Variants in ABTB2 observed in about 807,000 individuals in gnomAD.
The protein encoded by ABTB2 is ankyrin repeat and BTB domain containing 2.
A neutral mutation model predicts 104.1 loss-of-function variants in ABTB2; 56 were observed. The observed-to-expected ratio is 0.54, with a 90% CI of 0.43 to 0.67. ABTB2 has a LOEUF of 0.67. Ranked by LOEUF, ABTB2 falls within the 30% of genes least tolerant of loss-of-function variation. The probability of loss-of-function intolerance (pLI) is 0.00; values close to 1 mark genes in which losing one functional copy is unlikely to be tolerated. For missense variants in ABTB2, 1,279 were observed against 1,407.7 expected (o/e 0.91, Z 1.46); for synonymous variants, 606 against 608.2 (o/e 1.00, Z 0.05).
chr11:34,171,934 G>T (rs982065993), intron 4 of ABTB2, among the ~76,000 whole-genome samples: 1 of 152,158 alleles, frequency 6.6e-6, no homozygotes, highest in Non-Finnish European at 1.5e-5. Flanking sequence ...TGTTATAGGG[G>T]GCGCATCACA....
In ABTB2 at chr11:34,173,137, C is replaced by T. The variant is rs1004441770; in HGVS notation, c.1397+18G>A. 4.8e-5 allele frequency: 77 copies of T among 1,613,374 alleles called. No homozygotes were observed. Among genetic ancestry groups the T allele is most frequent in the Non-Finnish European group, 6.2e-5 (73 of 1,179,912 alleles). On this transcript the variant is annotated intron_variant, in intron 4 of 16. Coordinates refer to ENST00000435224, the MANE Select transcript of ABTB2 (RefSeq NM_145804.3). ...CAGGTCATGGATGCCGGGGCCCTCCCTCCTCCCTGGTTCATACTTGAGCTG... is the reference window on the plus strand; with the variant it reads ...CAGGTCATGGATGCCGGGGCCCTCCTTCCTCCCTGGTTCATACTTGAGCTG...
At position 34,217,292 on chromosome 11, in the gene ABTB2, C is replaced by A. The variant is rs74656389; in HGVS notation, c.884-12602G>T. On this transcript the variant is annotated intron_variant, in intron 1 of 16. Coordinates refer to ENST00000435224, the MANE Select transcript of ABTB2 (RefSeq NM_145804.3). The stretch of plus-strand genomic sequence containing the variant: ...ATTTTGAGGTTTGCCTGTCGTGCAT[C>A]ATCAGCTTATTTCTTTTTAGCTCTG... 3.4e-3 allele frequency among the ~76,000 whole-genome samples: 516 copies of A among 152,356 alleles called. 2 individuals are homozygous for A. The highest frequency in any genetic ancestry group is 0.012 in the African/African-American group (495 of 41,578).
rs1390446469 is a variant in ABTB2, at chr11:34,197,507, C to T, written c.1062G>A (p.Met354Ile). The change falls in exon 3 of 17, where the codon ATG (methionine) becomes ATA (isoleucine). Residue 354 changes from methionine to isoleucine, a missense_variant. Coordinates refer to ENST00000435224, the MANE Select transcript of ABTB2 (RefSeq NM_145804.3). The stretch of plus-strand genomic sequence containing the variant: ...CCGGGCACAGGGGGTGACGCCCCTG[C>T]ATGTGGTGCATGGCACGGGAGACCA... ...SDLVSRAMHH[M>I]QGRHPLCPGA... 4 of 1,578,414 alleles carry T rather than the reference C, an allele frequency of 2.5e-6. No individual in the cohort carries two copies. Among genetic ancestry groups the T allele is most frequent in the Non-Finnish European group, 3.4e-6 (4 of 1,166,892 alleles).
intron 1 of ABTB2, among the ~76,000 whole-genome samples, chr11:34,225,701 A>G (rs1181190879): frequency 6.6e-6 from 1 of 151,866 alleles, no homozygotes; most frequent in East Asian, 1.9e-4. Context: ...GTTGCGGTGA[A>G]CCGAGATCGC....
chr11:34,225,449 T>G (rs1041862612), intron 1 of ABTB2, among the ~76,000 whole-genome samples: 1 of 152,148 alleles, frequency 6.6e-6, no homozygotes. Flanking sequence ...GCTTTCCTCT[T>G]CCCTTCCCTT....
chr11:34,185,935 CCATAAA>C (rs1481512738), intron 3 of ABTB2, among the ~76,000 whole-genome samples: 1 of 152,166 alleles, frequency 6.6e-6, no homozygotes, highest in Non-Finnish European at 1.5e-5. Context: ...ACATTGTACC[CCATAAA>C]CATATACAGT....
chr11:34,270,453 C>T (rs943703122), intron 1 of ABTB2, among the ~76,000 whole-genome samples: 1 of 151,818 alleles, frequency 6.6e-6, no homozygotes, highest in African/African-American at 2.4e-5. Context: ...TATTCTCCTG[C>T]TTCAGCCTCC....
chr11:34,173,428 G>T (rs1393473405), intron 3 of ABTB2, 121 bp from the exon 4 acceptor site: 3 of 1,249,284 alleles, frequency 2.4e-6, no homozygotes, highest in Non-Finnish European at 3.3e-6. Flanking sequence ...GTCCTAGGGT[G>T]GGGGGCTCCC....
In ABTB2 at chr11:34,159,983, C is replaced by A; in HGVS notation, c.2529G>T (p.Glu843Asp). ...RLDPHFLNNK[E>D]MSDVTFLVEG... Reference sequence around the variant, plus strand: ...CCACCAGGAAGGTCACATCTGACATCTCCTTATTGTTCAAAAAGTGTGGAT... The same window carrying A: ...CCACCAGGAAGGTCACATCTGACATATCCTTATTGTTCAAAAAGTGTGGAT... The change falls in exon 13 of 17, where the codon GAG (glutamate) becomes GAT (aspartate). Residue 843 changes from glutamate (E) to aspartate (D), a missense_variant. By Grantham distance (45) the Glu-to-Asp change is conservative. Coordinates refer to ENST00000435224, the MANE Select transcript of ABTB2 (RefSeq NM_145804.3). 1.2e-6 allele frequency: 2 copies of A among 1,613,746 alleles called. No individual in the cohort carries two copies. Among genetic ancestry groups the A allele is most frequent in the East Asian group, 4.5e-5 (2 of 44,886 alleles).
chr11:34,231,966 G>T (rs1853775206), intron 1 of ABTB2, among the ~76,000 whole-genome samples: 1 of 152,134 alleles, frequency 6.6e-6, no homozygotes, highest in African/African-American at 2.4e-5. Context: ...TCTTGTCACA[G>T]CCAAGAAGAA....
intron 1 of ABTB2, among the ~76,000 whole-genome samples, chr11:34,213,803 A>G (rs533424984): frequency 1.3e-5 from 2 of 152,268 alleles, no homozygotes; most frequent in East Asian, 3.9e-4. Flanking sequence ...CCCTGGAAAA[A>G]CCAGTGCAAT....
chr11:34,259,197 G>A (rs750610637), intron 1 of ABTB2, among the ~76,000 whole-genome samples: 4 of 152,176 alleles, frequency 2.6e-5, no homozygotes, highest in Non-Finnish European at 4.4e-5. Flanking sequence ...TCCGCCCTCT[G>A]CTCTCTGCCT....
At chr11:34,221,295 C>T (rs193241126) in intron 1 of ABTB2, among the ~76,000 whole-genome samples, 3 of 152,118 alleles carry the variant, frequency 2.0e-5, no homozygotes, top group South Asian at 2.1e-4. Flanking sequence ...ATAAGGACAT[C>T]GGCCATACTG....
At position 34,158,490 on chromosome 11, in the gene ABTB2, A is replaced by G. The variant is rs376741226; in HGVS notation, c.2697+806T>C. On this transcript the variant is annotated intron_variant, in intron 14 of 16. Coordinates refer to ENST00000435224, the MANE Select transcript of ABTB2 (RefSeq NM_145804.3). ...TCTGGGGTTTGCAATCTCTCCTATT[A>G]TATCACAAACCACTCCTGTGCAGGG... Among the ~76,000 whole-genome samples, 52 of 152,268 alleles carry G rather than the reference A, an allele frequency of 3.4e-4. No individual in the cohort carries two copies. The East Asian group carries it at 6.8e-3, about 20-fold the overall frequency.
chr11:34,156,724 A>G (rs1358971692), intron 14 of ABTB2, among the ~76,000 whole-genome samples: 1 of 152,044 alleles, frequency 6.6e-6, no homozygotes, highest in Non-Finnish European at 1.5e-5. Context: ...CGGTTTCTAC[A>G]TGTTGGTCAG....
rs376236817 is a variant in ABTB2, at chr11:34,182,715, C to T, written c.1245-9408G>A. On this transcript the variant is annotated intron_variant, in intron 3 of 16. Coordinates refer to ENST00000435224, the MANE Select transcript of ABTB2 (RefSeq NM_145804.3). ...GTTAGCAGTGAGATGGGAGGTCCAC[C>T]GTGTGACAATCAGGGCCTTCAGGAG... Among the ~76,000 whole-genome samples the T allele has an allele frequency of 3.9e-5, 6 of 151,996 alleles. No individual in the cohort carries two copies. The South Asian group carries it at 8.3e-4, about 21-fold the overall frequency.
chr11:34,159,986 C>G lies in ABTB2; in HGVS notation c.2526G>C (p.Lys842Asn), dbSNP rs1852685955. 14 of 1,613,566 alleles carry G rather than the reference C, an allele frequency of 8.7e-6. No individual in the cohort carries two copies. Among genetic ancestry groups the G allele is most frequent in the Non-Finnish European group, 1.2e-5 (14 of 1,179,812 alleles). ...ARLDPHFLNN[K>N]EMSDVTFLVE... The stretch of plus-strand genomic sequence containing the variant: ...CCAGGAAGGTCACATCTGACATCTC[C>G]TTATTGTTCAAAAAGTGTGGATCTG... The change falls in exon 13 of 17, where the codon AAG (lysine) becomes AAC (asparagine). Residue 842 changes from lysine (K) to asparagine (N), a missense_variant. Physicochemically the swap from Lys to Asn is moderately conservative, Grantham distance 94. Transcript: ENST00000435224.
chr11:34,168,345 C>T (rs1465724385), intron 5 of ABTB2, among the ~76,000 whole-genome samples: 1 of 152,228 alleles, frequency 6.6e-6, no homozygotes, highest in Non-Finnish European at 1.5e-5. Context: ...ACAGCAGTAT[C>T]TTATCTCCCT....
intron 1 of ABTB2, among the ~76,000 whole-genome samples, chr11:34,288,817 C>G (rs1223960484): frequency 6.6e-6 from 1 of 152,168 alleles, no homozygotes; most frequent in Non-Finnish European, 1.5e-5. Flanking sequence ...AAACGCTCTG[C>G]TCTATGGCCC....
Sources: allele counts gnomAD v4.1 joint callset (sites outside exome capture counted in the v4.1 genomes callset), GRCh38; gene constraint gnomAD v4.1.1; transcripts MANE v1.5; gene names NCBI Gene and HGNC (gene_info 2026-07-23, HGNC 2026-07-21).